ACOT7: variants seen among roughly 807,000 people sequenced by gnomAD.
The protein encoded by ACOT7 is cytosolic acyl coenzyme A thioester hydrolase.
A neutral mutation model predicts 40.2 loss-of-function variants in ACOT7; 12 were observed. That is an observed-to-expected ratio of 0.30 (90% CI 0.19 to 0.48). The LOEUF is 0.48. ACOT7 is among the 20% of genes least tolerant of loss of function. The pLI is 0.99. For missense variants in ACOT7, 395 were observed against 530.8 expected (o/e 0.74, Z 2.51); for synonymous variants, 228 against 219.5 (o/e 1.04, Z -0.34).
rs1169107344 is a variant in ACOT7 at position 6,306,782 on chromosome 1, G to T, written c.712+11710C>A. ...CCCAACACTGAGGGTCTGGTGTGTT[G>T]TGTCCCACGTAGCAGTGGGGGCTCC... On this transcript the variant is annotated intron_variant, in intron 6 of 8. Coordinates refer to ENST00000361521, the MANE Select transcript of ACOT7 (RefSeq NM_007274.4). The surrounding 1 kb of genome is among the most constrained non-coding windows in gnomAD (Gnocchi z 4.3). 7.8e-7 allele frequency: 1 copy of T among 1,287,328 alleles called. No individual in the cohort carries two copies. Among genetic ancestry groups the T allele is most frequent in the African/African-American group, 1.5e-5 (1 of 65,828 alleles). The allele number at this position is 1,287,328 out of a possible 1,614,324, so 79.7% of individuals were successfully genotyped here. A position where few individuals can be genotyped will look rare whatever the true frequency, so the allele number is the denominator to read the frequency against.
chr1:6,277,365 G>A (rs915445007), intron 8 of ACOT7, among the ~76,000 whole-genome samples: 3 of 152,224 alleles, frequency 2.0e-5, no homozygotes, highest in Admixed American at 6.5e-5. Context: ...GCCAACCTGG[G>A]AGGATGCCCC....
rs532783702 is a variant in ACOT7, at chr1:6,321,664, G to A, written c.626-3086C>T. The stretch of plus-strand genomic sequence containing the variant: ...TGAGTAGCTGTGACTACAGGCGCCC[G>A]CCACTGCGCCCGGCTAATTTTTTGT... On this transcript the variant is annotated intron_variant, in intron 5 of 8. Coordinates refer to ENST00000361521, the MANE Select transcript of ACOT7 (RefSeq NM_007274.4). Among the ~76,000 whole-genome samples, 25 of 152,256 alleles carry A rather than the reference G, an allele frequency of 1.6e-4. No homozygotes were observed. The South Asian group carries it at 4.8e-3, about 29-fold the overall frequency.
chr1:6,265,361 T>G (rs1638798845), intron 8 of ACOT7, among the ~76,000 whole-genome samples: 1 of 152,144 alleles, frequency 6.6e-6, no homozygotes, highest in South Asian at 2.1e-4. Context: ...GATGCTGTGC[T>G]GCCTATGGCC....
At chr1:6,273,415 G>C (rs1316824355) in intron 8 of ACOT7, among the ~76,000 whole-genome samples, 1 of 152,182 alleles carries the variant, frequency 6.6e-6, no homozygotes, top group Non-Finnish European at 1.5e-5. Flanking sequence ...CAGGATGCAG[G>C]TATTTTCCCA....
chr1:6,306,775 G>A lies in ACOT7; in HGVS notation c.712+11717C>T. 3.9e-6 allele frequency: 5 copies of A among 1,285,394 alleles called. No individual in the cohort carries two copies. The highest frequency in any genetic ancestry group is 5.6e-5 in the East Asian group (1 of 17,930). The allele number at this position is 1,285,394 out of a possible 1,614,324, so 79.6% of individuals were successfully genotyped here. ...TCCTTGCCCCAACACTGAGGGTCTGGTGTGTTGTGTCCCACGTAGCAGTGG... is the reference window on the plus strand; with the variant it reads ...TCCTTGCCCCAACACTGAGGGTCTGATGTGTTGTGTCCCACGTAGCAGTGG... On this transcript the variant is annotated intron_variant, in intron 6 of 8. Transcript: ENST00000361521. The surrounding 1 kb of genome is among the most constrained non-coding windows in gnomAD (Gnocchi z 4.3).
intron 2 of ACOT7, among the ~76,000 whole-genome samples, chr1:6,340,042 T>C (rs369230841): frequency 4.0e-5 from 6 of 151,272 alleles, no homozygotes; most frequent in African/African-American, 1.5e-4. Context: ...CTCCCCTCAC[T>C]GCAAGCGCCG....
chr1:6,279,904 C>A (rs1639303898), intron 8 of ACOT7, among the ~76,000 whole-genome samples: 1 of 152,186 alleles, frequency 6.6e-6, no homozygotes, highest in Admixed American at 6.5e-5. Flanking sequence ...CGGCGGCCCT[C>A]CTCAGCCATG....
rs529392608 is a variant in ACOT7, at chr1:6,359,167, G to A, written c.144-9301C>T. ...GGGGCCGCTGCTGAGCGGCCTCAGG[G>A]AAGCGGCTATGAGGCTCTGCCTTCT... is the stretch of plus-strand genomic sequence containing the variant. On this transcript the variant is annotated intron_variant, in intron 1 of 8. Coordinates refer to ENST00000361521, the MANE Select transcript of ACOT7 (RefSeq NM_007274.4). The surrounding 1 kb of genome is among the most constrained non-coding windows in gnomAD (Gnocchi z 4.1). 3.4e-5 allele frequency: 9 copies of A among 267,544 alleles called. No individual in the cohort carries two copies. The Admixed American group carries it at 4.0e-4, about 12-fold the overall frequency. The allele number at this position is 267,544 out of a possible 1,614,324, so 16.6% of individuals were successfully genotyped here.
chr1:6,330,453 C>T lies in ACOT7; in HGVS notation c.510+3024G>A, dbSNP rs903394890. Among the ~76,000 whole-genome samples, 2 of 152,226 alleles carry T rather than the reference C, an allele frequency of 1.3e-5. No homozygotes were observed. Among genetic ancestry groups the T allele is most frequent in the Non-Finnish European group, 2.9e-5 (2 of 68,044 alleles). ...AGATGGTGCAAAGAGCTCTGAACAA[C>T]AGCTGCAGCTGAGAACCGTGCAGCC... On this transcript the variant is annotated intron_variant, in intron 4 of 8. Transcript: ENST00000361521. The surrounding 1 kb of genome is among the most constrained non-coding windows in gnomAD (Gnocchi z 4.6).
chr1:6,333,364 C>T, intron 4 of ACOT7, 113 bp downstream of exon 4: 1 of 1,229,046 alleles, frequency 8.1e-7, no homozygotes, highest in East Asian at 2.5e-5. Flanking sequence ...TGTGCCCTAG[C>T]TCTGGCCTGT....
At chr1:6,295,172 T>C in intron 6 of ACOT7, 192 bp from the exon 7 acceptor site, 1 of 499,842 alleles carries the variant, frequency 2.0e-6, no homozygotes, top group South Asian at 2.5e-5. Context: ...TCAGGAGATT[T>C]TGAAAAAAAC....
chr1:6,305,535 T>G (rs1206816987), intron 6 of ACOT7, among the ~76,000 whole-genome samples: 2 of 121,606 alleles, frequency 1.6e-5, no homozygotes, highest in African/African-American at 3.2e-5. Flanking sequence ...AGGCAGAGGG[T>G]CTCCTCACTT....
At chr1:6,340,896 C>T (rs1179672955) in intron 2 of ACOT7, among the ~76,000 whole-genome samples, 4 of 151,792 alleles carry the variant, frequency 2.6e-5, no homozygotes, top group Non-Finnish European at 4.4e-5. Flanking sequence ...GTTACCCGGG[C>T]GTGGCGGTGC....
chr1:6,350,653 C>A (rs1004135959), intron 1 of ACOT7, among the ~76,000 whole-genome samples: 1 of 152,270 alleles, frequency 6.6e-6, no homozygotes, highest in African/African-American at 2.4e-5. Flanking sequence ...CCTTCACAGG[C>A]CGAGGCCTGG....
chr1:6,277,807 A>G (rs966110413), intron 8 of ACOT7, among the ~76,000 whole-genome samples: 1 of 152,072 alleles, frequency 6.6e-6, no homozygotes, highest in Non-Finnish European at 1.5e-5. Flanking sequence ...AACTTCCTCT[A>G]TCTTCACTGT....
At chr1:6,329,229 C>A (rs1010130795) in intron 4 of ACOT7, among the ~76,000 whole-genome samples, 11 of 152,234 alleles carry the variant, frequency 7.2e-5, no homozygotes, top group South Asian at 6.2e-4. Flanking sequence ...CGTTCCTCGG[C>A]GTAACTACCC....
chr1:6,371,073 T>G (rs1412943322), intron 1 of ACOT7, among the ~76,000 whole-genome samples: 1 of 151,988 alleles, frequency 6.6e-6, no homozygotes, highest in Non-Finnish European at 1.5e-5. Flanking sequence ...CCTCCCAAAG[T>G]GCTGGGATTA....
chr1:6,340,910 T>A (rs867038422), intron 2 of ACOT7, among the ~76,000 whole-genome samples: 56 of 151,100 alleles, frequency 3.7e-4, no homozygotes, highest in African/African-American at 1.3e-3. Flanking sequence ...GCGGTGCACA[T>A]CTGTAATCCC....
chr1:6,295,206 AC>A, intron 6 of ACOT7: 1 of 465,622 alleles, frequency 2.1e-6, no homozygotes. Flanking sequence ...ATGCCAAGCC[AC>A]TAACAAAACA....
Sources: allele counts gnomAD v4.1 joint callset (sites outside exome capture counted in the v4.1 genomes callset), GRCh38; gene constraint gnomAD v4.1.1; non-coding constraint Gnocchi (gnomAD v3.1); transcripts MANE v1.5; gene names NCBI Gene and HGNC (gene_info 2026-07-23, HGNC 2026-07-21).